Variants in ARHGAP15 observed in about 807,000 individuals in gnomAD.
ARHGAP15 encodes the protein rho GTPase-activating protein 15.
A neutral mutation model predicts 63.7 loss-of-function variants in ARHGAP15; 51 were observed. The ratio of observed to expected loss-of-function variants is 0.80; its 90% CI spans 0.64 to 1.01. The LOEUF is 1.01. Among genes scored for constraint, ARHGAP15 ranks in the 50% least tolerant of loss-of-function variants. The pLI is 0.00. For synonymous variants in ARHGAP15, 191 were observed against 193.8 expected (o/e 0.99, Z 0.12); for missense variants, 560 against 564.6 (o/e 0.99, Z 0.08).
chr2:143,237,935 T>C (rs1046205351), intron 5 of ARHGAP15: 2 of 152,172 alleles, frequency 1.3e-5, no homozygotes, highest in South Asian at 2.1e-4. Context: ...CAACTGGCAA[T>C]TTTTACTTTT....
chr2:143,225,154 A>G (rs898281690), intron 4 of ARHGAP15, among the ~76,000 whole-genome samples: 1 of 152,190 alleles, frequency 6.6e-6, no homozygotes, highest in African/African-American at 2.4e-5. Context: ...ATTTTTGGAC[A>G]CGGAATGGTG....
At chr2:143,459,026 T>C (rs1403064097) in intron 8 of ARHGAP15, among the ~76,000 whole-genome samples, 4 of 152,200 alleles carry the variant, frequency 2.6e-5, no homozygotes, top group Admixed American at 1.3e-4. Flanking sequence ...TATTGCCAGC[T>C]GGTCTCAATG....
chr2:143,147,134 T>C (rs188399671), intron 1 of ARHGAP15, among the ~76,000 whole-genome samples: 18 of 152,062 alleles, frequency 1.2e-4, no homozygotes, highest in Admixed American at 9.9e-4. Context: ...ACTGAGACAA[T>C]CGCAGGTTAA....
chr2:143,685,511 C>T (rs1019993742), intron 12 of ARHGAP15, among the ~76,000 whole-genome samples: 3 of 152,168 alleles, frequency 2.0e-5, no homozygotes, highest in Non-Finnish European at 4.4e-5. Flanking sequence ...CATGCTCCTG[C>T]TGTAAAAATT....
intron 6 of ARHGAP15, among the ~76,000 whole-genome samples, chr2:143,302,932 A>G (rs78293142): frequency 0.025 from 3,749 of 152,164 alleles, 164 homozygotes; most frequent in African/African-American, 0.084. Flanking sequence ...TACAAGGTAT[A>G]TATGCACATT....
intron 13 of ARHGAP15, among the ~76,000 whole-genome samples, chr2:143,746,685 A>G (rs375153844): frequency 6.6e-6 from 1 of 152,238 alleles, no homozygotes; most frequent in East Asian, 1.9e-4. Flanking sequence ...TTGCAATCTA[A>G]TTGAGAGAGT....
At chr2:143,728,634 A>C (rs1021747288) in intron 13 of ARHGAP15, among the ~76,000 whole-genome samples, 3 of 152,172 alleles carry the variant, frequency 2.0e-5, no homozygotes, top group African/African-American at 7.2e-5. Flanking sequence ...TGTAAGGTTT[A>C]GGGGAACAAG....
intron 6 of ARHGAP15, among the ~76,000 whole-genome samples, chr2:143,389,134 A>ATTTTTT (rs869247380): frequency 5.8e-5 from 8 of 138,560 alleles, no homozygotes; most frequent in African/African-American, 2.1e-4. Context: ...TATTATTATT[A>ATTTTTT]TTTTTTATTA....
At position 143,436,733 on chromosome 2, in the gene ARHGAP15, A is replaced by C. The variant is rs1361442005; in HGVS notation, c.574-180A>C. On this transcript the variant is annotated intron_variant, in intron 7 of 13. Transcript: ENST00000295095. Reference sequence around the variant, plus strand: ...CATGAATAGTGCTTAGCATTTAGTAAGTACCATCATATACATATATAAACT... The same window carrying C: ...CATGAATAGTGCTTAGCATTTAGTACGTACCATCATATACATATATAAACT... 3.9e-5 allele frequency among the ~76,000 whole-genome samples: 6 copies of C among 152,226 alleles called. No homozygotes were observed. In the East Asian group the frequency reaches 1.2e-3, roughly 29 times the overall value.
chr2:143,350,332 AAT>A (rs1685501801), intron 6 of ARHGAP15, among the ~76,000 whole-genome samples: 2 of 152,100 alleles, frequency 1.3e-5, no homozygotes, highest in Admixed American at 1.3e-4. Flanking sequence ...CAACATCTGT[AAT>A]AGTTAGGAGA....
chr2:143,173,129 G>C (rs527989309), intron 2 of ARHGAP15, among the ~76,000 whole-genome samples: 1 of 151,996 alleles, frequency 6.6e-6, no homozygotes, highest in Admixed American at 6.6e-5. Flanking sequence ...TTTCTTTGAA[G>C]ACAAAAATAC....
At chr2:143,660,119 A>C (rs1341668678) in intron 12 of ARHGAP15, among the ~76,000 whole-genome samples, 1 of 152,190 alleles carries the variant, frequency 6.6e-6, no homozygotes, top group Non-Finnish European at 1.5e-5. Flanking sequence ...GACTAGGATG[A>C]TGGGGTCCTT....
At chr2:143,554,110 AT>A in intron 10 of ARHGAP15, among the ~76,000 whole-genome samples, 1 of 152,318 alleles carries the variant, frequency 6.6e-6, no homozygotes. Flanking sequence ...TTCACATTTT[AT>A]CTTTAATCAC....
intron 6 of ARHGAP15, among the ~76,000 whole-genome samples, chr2:143,413,966 T>TGTGTGCACGCGCGCGC: frequency 8.5e-6 from 1 of 117,908 alleles, no homozygotes; most frequent in Non-Finnish European, 1.7e-5. Flanking sequence ...TGTGTGTGTG[T>TGTGTGCACGCGCGCGC]GCGCGCTCTC....
At chr2:143,447,528 G>A (rs1690197612) in intron 8 of ARHGAP15, among the ~76,000 whole-genome samples, 1 of 152,084 alleles carries the variant, frequency 6.6e-6, no homozygotes, top group South Asian at 2.1e-4. Context: ...TGAGTTCTGG[G>A]GAGTAATCCT....
chr2:143,340,354 G>A (rs1420915099), intron 6 of ARHGAP15, among the ~76,000 whole-genome samples: 1 of 152,066 alleles, frequency 6.6e-6, no homozygotes, highest in African/African-American at 2.4e-5. Context: ...GGATAGTGTT[G>A]AGAAATTTTG....
At chr2:143,427,337 C>G (rs977605375) in intron 6 of ARHGAP15, among the ~76,000 whole-genome samples, 2 of 152,114 alleles carry the variant, frequency 1.3e-5, no homozygotes, top group African/African-American at 4.8e-5. Flanking sequence ...TAACTACTAC[C>G]TCCTCCCACA....
intron 8 of ARHGAP15, among the ~76,000 whole-genome samples, chr2:143,447,874 G>A (rs1424326184): frequency 6.6e-6 from 1 of 152,128 alleles, no homozygotes; most frequent in Non-Finnish European, 1.5e-5. Flanking sequence ...GAACTGTGAG[G>A]CACTGTCCTG....
intron 8 of ARHGAP15, among the ~76,000 whole-genome samples, chr2:143,475,311 C>T (rs1691760277): frequency 6.6e-6 from 1 of 152,230 alleles, no homozygotes; most frequent in African/African-American, 2.4e-5. Flanking sequence ...GATCACTTAG[C>T]CGTAGACGAC....
Sources: gnomAD v4.1 joint callset for allele counts (sites outside exome capture counted in the v4.1 genomes callset) on GRCh38, gnomAD v4.1.1 for gene constraint, MANE v1.5 for transcripts, NCBI Gene and HGNC (gene_info 2026-07-23, HGNC 2026-07-21) for gene names.